The following AGPAT3 variants were observed in gnomAD, a reference collection of about 807,000 sequenced individuals.
AGPAT3 encodes 1-acyl-sn-glycerol-3-phosphate acyltransferase gamma.
A neutral mutation model predicts 47.3 loss-of-function variants in AGPAT3; 5 were observed. That is an observed-to-expected ratio of 0.11 (90% CI 0.06 to 0.22). The LOEUF is 0.22. Ranked by LOEUF, AGPAT3 falls within the 10% of genes least tolerant of loss-of-function variation. The probability of loss-of-function intolerance (pLI) is 1.00; values close to 1 mark genes in which losing one functional copy is unlikely to be tolerated. For synonymous variants in AGPAT3, 212 were observed against 208.3 expected, an observed-to-expected ratio of 1.02 and a Z score of -0.15; for missense variants, 315 against 493.0, an observed-to-expected ratio of 0.64 and a Z score of 3.42.
chr21:43,923,847 G>A (rs996360934), intron 2 of AGPAT3, among the ~76,000 whole-genome samples: 1 of 152,148 alleles, frequency 6.6e-6, no homozygotes, highest in African/African-American at 2.4e-5. Flanking sequence ...GAAGTCCATT[G>A]TACAAGAGTT....
At chr21:43,912,986 C>T (rs1007680742) in intron 2 of AGPAT3, among the ~76,000 whole-genome samples, 2 of 152,180 alleles carry the variant, frequency 1.3e-5, no homozygotes, top group South Asian at 2.1e-4. Context: ...GTGTTCTCCT[C>T]GGAGAGGCAG....
chr21:43,955,555 A>T lies in AGPAT3; in HGVS notation c.-48-4079A>T, dbSNP rs186847759. 6.6e-6 allele frequency among the ~76,000 whole-genome samples: 1 copy of T among 151,938 alleles called. No homozygotes were observed. Among genetic ancestry groups the T allele is most frequent in the Admixed American group, 6.5e-5 (1 of 15,278 alleles). ...GCTATTTTCCTGCCTCGGCCTCCCAAAGTGCTCAGATTACAGGTGTGAGCC... is the reference window on the plus strand; with the variant it reads ...GCTATTTTCCTGCCTCGGCCTCCCATAGTGCTCAGATTACAGGTGTGAGCC... On this transcript the variant is annotated intron_variant, in intron 2 of 9. Coordinates refer to ENST00000291572, the MANE Select transcript of AGPAT3 (RefSeq NM_020132.5). The surrounding 1 kb of genome is among the most constrained non-coding windows in gnomAD (Gnocchi z 4.1).
chr21:43,961,922 C>G (rs1336029551), intron 3 of AGPAT3, among the ~76,000 whole-genome samples: 4 of 152,092 alleles, frequency 2.6e-5, no homozygotes, highest in Non-Finnish European at 1.5e-5. Context: ...ACCCCACTGT[C>G]TGCAGAGAGA....
At position 43,978,147 on chromosome 21, in the gene AGPAT3, G is replaced by A. The variant is rs199981101; in HGVS notation, c.843+26G>A. The A allele has an allele frequency of 1.3e-3, 2,123 of 1,605,846 alleles. 1 individual carries two copies. Among genetic ancestry groups the A allele is most frequent in the Middle Eastern group, 3.9e-3 (22 of 5,664 alleles). On this transcript the variant is annotated intron_variant, in intron 8 of 9. Transcript: ENST00000291572. ...GTAAGCAGGCTCTGCTCCCGCTCAG[G>A]GTCCCGGTCTCCTGAAGAGGCTGTG...
At position 43,982,265 on chromosome 21, in the gene AGPAT3, A is replaced by G. The variant is rs768048502; in HGVS notation, c.1043-39A>G. On this transcript the variant is annotated intron_variant, in intron 9 of 9. Transcript: ENST00000291572. This position sits in a 1 kb window ranked among gnomAD's most constrained non-coding sequence, Gnocchi z 6.2. ...CGTTTTACAGCAAAAAGGCAAAGTC[A>G]TCCGTCTCACCTCTTCTCTCTCTCT... is the stretch of plus-strand genomic sequence containing the variant. The G allele has an allele frequency of 2.0e-6, 3 of 1,535,936 alleles. No individual in the cohort carries two copies. The highest frequency in any genetic ancestry group is 2.8e-5 in the African/African-American group (2 of 72,552).
chr21:43,877,960 C>T (rs2085770760), intron 1 of AGPAT3, among the ~76,000 whole-genome samples: 1 of 152,120 alleles, frequency 6.6e-6, no homozygotes, highest in East Asian at 1.9e-4. Flanking sequence ...TTGCCCGCCT[C>T]CTGCCCCACC....
intron 2 of AGPAT3, among the ~76,000 whole-genome samples, chr21:43,946,683 G>C (rs1176720767): frequency 6.6e-6 from 1 of 152,140 alleles, no homozygotes; most frequent in African/African-American, 2.4e-5. Context: ...TTTCTATAGA[G>C]TAAAAGTAGT....
chr21:43,977,022 A>G (rs1252558741), intron 7 of AGPAT3, among the ~76,000 whole-genome samples: 2 of 152,176 alleles, frequency 1.3e-5, no homozygotes, highest in Non-Finnish European at 2.9e-5. Context: ...TCAAATTCCA[A>G]CTGACTTTTA....
In AGPAT3 at chr21:43,922,993, A is replaced by G. The variant is rs1174176804; in HGVS notation, c.-49+18974A>G. On this transcript the variant is annotated intron_variant, in intron 2 of 9. Coordinates refer to ENST00000291572, the MANE Select transcript of AGPAT3 (RefSeq NM_020132.5). This position sits in a 1 kb window ranked among gnomAD's most constrained non-coding sequence, Gnocchi z 4.9. ...TCCCTGTTTCTTTCTCCCCATGCTC[A>G]CACGGGGTTTTTAGACTTTGTGAAG... Among the ~76,000 whole-genome samples the G allele has an allele frequency of 6.6e-6, 1 of 152,196 alleles. No individual in the cohort carries two copies. The highest frequency in any genetic ancestry group is 1.5e-5 in the Non-Finnish European group (1 of 68,018).
intron 2 of AGPAT3, among the ~76,000 whole-genome samples, chr21:43,942,790 C>T (rs186161878): frequency 7.1e-4 from 108 of 152,294 alleles, no homozygotes; most frequent in Non-Finnish European, 1.1e-3. Context: ...TAGCCCCCTT[C>T]GGTGGCTCAC....
intron 2 of AGPAT3, among the ~76,000 whole-genome samples, chr21:43,957,706 C>T (rs1281274475): frequency 6.6e-6 from 1 of 150,710 alleles, no homozygotes; most frequent in Non-Finnish European, 1.5e-5. Context: ...CGGGTTTCCC[C>T]CTCCACACGG....
chr21:43,866,124 T>TG (rs2085500033), intron 1 of AGPAT3, among the ~76,000 whole-genome samples: 1 of 150,998 alleles, frequency 6.6e-6, no homozygotes, highest in Non-Finnish European at 1.5e-5. Flanking sequence ...TGCAGTGTTT[T>TG]TTTTTTTTTT....
chr21:43,902,250 A>T (rs1048986032), intron 1 of AGPAT3, among the ~76,000 whole-genome samples: 1 of 152,248 alleles, frequency 6.6e-6, no homozygotes, highest in Non-Finnish European at 1.5e-5. Flanking sequence ...ATGCCTTTCA[A>T]ATATCGAAAG....
intron 1 of AGPAT3, among the ~76,000 whole-genome samples, chr21:43,874,971 C>T (rs544696035): frequency 6.6e-6 from 1 of 152,122 alleles, no homozygotes; most frequent in South Asian, 2.1e-4. Flanking sequence ...GCACATTCTC[C>T]CATATATGTA....
chr21:43,896,567 A>G (rs1382687234), intron 1 of AGPAT3, among the ~76,000 whole-genome samples: 5 of 152,240 alleles, frequency 3.3e-5, no homozygotes, highest in African/African-American at 2.4e-5. Context: ...CCGCAGTCAC[A>G]CCATTTGTTT....
chr21:43,893,170 C>CT (rs2086137674), intron 1 of AGPAT3, among the ~76,000 whole-genome samples: 1 of 152,160 alleles, frequency 6.6e-6, no homozygotes, highest in Admixed American at 6.5e-5. Context: ...AGATGACTTG[C>CT]TGCAGCTTCT....
In AGPAT3 at chr21:43,949,729, T is replaced by G. The variant is rs573122266; in HGVS notation, c.-48-9905T>G. On this transcript the variant is annotated intron_variant, in intron 2 of 9. Transcript: ENST00000291572. ...CTTTTGTATCTTTCAAGATGTTCTG[T>G]GGTTTCCTCATAGAGGCTTTATTTC... 3.9e-5 allele frequency among the ~76,000 whole-genome samples: 6 copies of G among 152,356 alleles called. No individual in the cohort carries two copies. In the East Asian group the frequency reaches 9.6e-4, roughly 24 times the overall value.
chr21:43,923,239 C>T lies in AGPAT3; in HGVS notation c.-49+19220C>T, dbSNP rs1043499476. 2.7e-5 allele frequency among the ~76,000 whole-genome samples: 4 copies of T among 149,332 alleles called. No individual in the cohort carries two copies. In the East Asian group the frequency reaches 5.9e-4, roughly 22 times the overall value. ...GCATGAAGTAGGGGGTGGGGGGAGTCGCTGTCTGGGGGGCACTCCATGTAC... is the reference window on the plus strand; with the variant it reads ...GCATGAAGTAGGGGGTGGGGGGAGTTGCTGTCTGGGGGGCACTCCATGTAC... On this transcript the variant is annotated intron_variant, in intron 2 of 9. Coordinates refer to ENST00000291572, the MANE Select transcript of AGPAT3 (RefSeq NM_020132.5).
At chr21:43,868,950 A>G (rs1021875719) in intron 1 of AGPAT3, among the ~76,000 whole-genome samples, 2 of 152,208 alleles carry the variant, frequency 1.3e-5, no homozygotes, top group Admixed American at 6.5e-5. Flanking sequence ...CAAAGCTGTT[A>G]TTCTTTCCAC....
Sources: allele counts gnomAD v4.1 joint callset (sites outside exome capture counted in the v4.1 genomes callset), GRCh38; gene constraint gnomAD v4.1.1; non-coding constraint Gnocchi (gnomAD v3.1); transcripts MANE v1.5; gene names NCBI Gene and HGNC (gene_info 2026-07-23, HGNC 2026-07-21).